VWA3B: variants seen among roughly 807,000 people sequenced by gnomAD.
VWA3B encodes the protein von Willebrand factor A domain-containing protein 3B.
In VWA3B, 138 loss-of-function variants were observed where a neutral mutation model predicts 158.3. That is an observed-to-expected ratio of 0.87 (90% confidence interval 0.76 to 1.00). The LOEUF (loss-of-function observed/expected upper bound fraction) is 1.00. Among genes scored for constraint, VWA3B ranks in the 50% least tolerant of loss-of-function variants. The probability of loss-of-function intolerance (pLI) is 0.00; values close to 1 mark genes in which losing one functional copy is unlikely to be tolerated. For missense variants in VWA3B, 1,555 were observed against 1,565.1 expected (o/e 0.99, Z 0.11); for synonymous variants, 596 against 587.3 (o/e 1.01, Z -0.21).
Position 98,219,152 on chromosome 2 carries a change from A to T in VWA3B, c.2019+1124A>T, listed in dbSNP as rs544362754. Among the ~76,000 whole-genome samples, 429 of 152,354 alleles carry T rather than the reference A, an allele frequency of 2.8e-3. 2 individuals carry two copies. Among genetic ancestry groups the T allele is most frequent in the African/African-American group, 9.9e-3 (412 of 41,588 alleles). On this transcript the variant is annotated intron_variant, in intron 14 of 27. Transcript: ENST00000477737. ...CCGAATATTACTAGGCATGCGAAAA[A>T]GTAGGAAAATACAGACCCATAATGA... is the stretch of plus-strand genomic sequence containing the variant.
At chr2:98,298,563 A>G (rs1413887122) in intron 24 of VWA3B, among the ~76,000 whole-genome samples, 1 of 152,200 alleles carries the variant, frequency 6.6e-6, no homozygotes, top group East Asian at 1.9e-4. Flanking sequence ...AGCTGATGTC[A>G]GACGGTGATA....
chr2:98,217,964 C>A lies in VWA3B; in HGVS notation c.1955C>A (p.Thr652Asn), dbSNP rs1684169767. 1 of 1,613,504 alleles carries A rather than the reference C, an allele frequency of 6.2e-7. No individual in the cohort carries two copies. The highest frequency in any genetic ancestry group is 1.7e-5 in the Admixed American group (1 of 59,950). ...NRFLKEVAAL[T>N]GGEFHFYNFG... is the part of the protein sequence containing the mutation. The stretch of plus-strand genomic sequence containing the variant: ...TTTTTGAAAGAGGTTGCTGCTTTGA[C>A]TGGAGGAGAGTTCCATTTTTATAAT... Residue 652 changes from threonine (T) to asparagine (N), a missense_variant, in exon 14 of 28, where the codon ACT becomes AAT. By Grantham distance (65) the Thr-to-Asn change is moderately conservative. Coordinates refer to ENST00000477737, the MANE Select transcript of VWA3B (RefSeq NM_144992.5).
chr2:98,283,315 G>A (rs900561500), intron 22 of VWA3B, among the ~76,000 whole-genome samples: 3 of 152,162 alleles, frequency 2.0e-5, no homozygotes, highest in Non-Finnish European at 2.9e-5. Flanking sequence ...GTTTTTATTC[G>A]TCTGGAGACA....
intron 4 of VWA3B, among the ~76,000 whole-genome samples, chr2:98,120,331 G>C (rs189399435): frequency 9.2e-5 from 14 of 152,258 alleles, no homozygotes; most frequent in Admixed American, 5.9e-4. Flanking sequence ...GCACCTCCCT[G>C]ACAAAAAACA....
At chr2:98,240,470 TC>T (rs1686007892) in intron 19 of VWA3B, among the ~76,000 whole-genome samples, 1 of 152,184 alleles carries the variant, frequency 6.6e-6, no homozygotes, top group Non-Finnish European at 1.5e-5. Context: ...TTCCCTCAAG[TC>T]AGATGGCTGG....
intron 7 of VWA3B, 30 bp from the exon 8 acceptor site, chr2:98,162,821 C>T (rs369518498): frequency 1.4e-5 from 23 of 1,611,028 alleles, no homozygotes; most frequent in South Asian, 3.3e-5. Flanking sequence ...CTGTCTCAGC[C>T]GGCCGCTCAT....
At chr2:98,098,749 GTTAA>G (rs1442871221) in intron 2 of VWA3B, among the ~76,000 whole-genome samples, 2 of 151,996 alleles carry the variant, frequency 1.3e-5, no homozygotes, top group Admixed American at 6.5e-5. Context: ...CTGCCATTTT[GTTAA>G]TTGTTTTCTA....
At chr2:98,310,425 T>A (rs1007360229) in intron 26 of VWA3B, among the ~76,000 whole-genome samples, 2 of 152,188 alleles carry the variant, frequency 1.3e-5, no homozygotes, top group African/African-American at 4.8e-5. Flanking sequence ...GTTCTTTCCA[T>A]GCTTTTAATG....
At position 98,312,417 on chromosome 2, in the gene VWA3B, C is replaced by T; in HGVS notation, c.*68C>T. On this transcript the variant is annotated 3_prime_UTR_variant, in exon 28 of 28. Transcript: ENST00000477737. ...CAGGCTGTTCAGACCTCAGCGTTGACACTGAAACTGGCCCCTCCGCGGAGG... is the reference window on the plus strand; with the variant it reads ...CAGGCTGTTCAGACCTCAGCGTTGATACTGAAACTGGCCCCTCCGCGGAGG... 6.5e-7 allele frequency: 1 copy of T among 1,529,658 alleles called. No individual in the cohort carries two copies. Among genetic ancestry groups the T allele is most frequent in the Non-Finnish European group, 8.8e-7 (1 of 1,139,800 alleles). The allele number at this position is 1,529,658 out of a possible 1,614,324, so 94.8% of individuals were successfully genotyped here. A position where few individuals can be genotyped will look rare whatever the true frequency, so the allele number is the denominator to read the frequency against.
chr2:98,277,896 A>G (rs78895208), intron 22 of VWA3B, among the ~76,000 whole-genome samples: 4,677 of 152,300 alleles, frequency 0.031, 112 homozygotes, highest in South Asian at 0.065. Context: ...TAAACTCAGA[A>G]TATATACGGC....
intron 7 of VWA3B, among the ~76,000 whole-genome samples, chr2:98,162,018 A>G (rs533502905): frequency 6.6e-6 from 1 of 152,198 alleles, no homozygotes; most frequent in African/African-American, 2.4e-5. Flanking sequence ...CTGCCCATCT[A>G]TTCTTTACCC....
At chr2:98,123,095 A>G (rs1425043383) in intron 5 of VWA3B, among the ~76,000 whole-genome samples, 3 of 152,180 alleles carry the variant, frequency 2.0e-5, no homozygotes, top group African/African-American at 7.2e-5. Context: ...TGTGTGTGGC[A>G]GGGGGGAGTG....
intron 24 of VWA3B, 88 bp from the exon 25 acceptor site, chr2:98,299,991 T>C: frequency 6.5e-7 from 1 of 1,536,832 alleles, no homozygotes; most frequent in Non-Finnish European, 8.9e-7. Flanking sequence ...TACTTGCCAA[T>C]TGCCTTGGAG....
intron 2 of VWA3B, chr2:98,099,100 A>T (rs939168448): frequency 2.0e-5 from 3 of 152,152 alleles, no homozygotes; most frequent in African/African-American, 7.2e-5. Flanking sequence ...TAACCTTTAT[A>T]CTAATGATAT....
intron 11 of VWA3B, 33 bp from the exon 12 acceptor site, chr2:98,194,328 G>A (rs748733259): frequency 3.7e-6 from 6 of 1,605,320 alleles, no homozygotes; most frequent in Non-Finnish European, 5.1e-6. Flanking sequence ...CATCTGAGTG[G>A]TTTTATGGTT....
At chr2:98,118,232 T>G (rs939755429) in intron 3 of VWA3B, among the ~76,000 whole-genome samples, 1 of 152,226 alleles carries the variant, frequency 6.6e-6, no homozygotes, top group East Asian at 1.9e-4. Flanking sequence ...TTCTGTGTTG[T>G]AGCAGTAGCT....
chr2:98,113,063 T>C lies in VWA3B; in HGVS notation c.197-2589T>C, dbSNP rs1006814605. ...CCTCCAACATTATATATATATATAA[T>C]GTTTATGGTATTTATAGTATACTTA... On this transcript the variant is annotated intron_variant, in intron 2 of 27. Coordinates refer to ENST00000477737, the MANE Select transcript of VWA3B (RefSeq NM_144992.5). 2.0e-5 allele frequency among the ~76,000 whole-genome samples: 3 copies of C among 151,584 alleles called. No homozygotes were observed. The South Asian group carries it at 6.2e-4, about 31-fold the overall frequency.
At chr2:98,157,807 C>T (rs766442863) in intron 7 of VWA3B, among the ~76,000 whole-genome samples, 2 of 138,502 alleles carry the variant, frequency 1.4e-5, no homozygotes, top group Non-Finnish European at 3.1e-5. Flanking sequence ...ACAGTAGGAC[C>T]GAGGGGATGG....
chr2:98,109,483 C>G (rs569614478), intron 2 of VWA3B, among the ~76,000 whole-genome samples: 27 of 152,250 alleles, frequency 1.8e-4, no homozygotes, highest in African/African-American at 5.8e-4. Context: ...ATTTTATCTT[C>G]TTACATTGAG....
Sources: allele counts gnomAD v4.1 joint callset (sites outside exome capture counted in the v4.1 genomes callset), GRCh38; gene constraint gnomAD v4.1.1; transcripts MANE v1.5; gene names NCBI Gene and HGNC (gene_info 2026-07-23, HGNC 2026-07-21).